The following KCNAB1 variants were observed in gnomAD, a reference collection of about 807,000 sequenced individuals.
The protein encoded by KCNAB1 is potassium voltage-gated channel subfamily A regulatory beta subunit 1, also known as voltage-gated potassium channel subunit beta-1.
In KCNAB1, 35 loss-of-function variants were observed where a neutral mutation model predicts 64.6. The ratio of observed to expected loss-of-function variants is 0.54; its 90% CI spans 0.41 to 0.72. The LOEUF (loss-of-function observed/expected upper bound fraction) is 0.72, where lower values mean the gene tolerates loss of function less well. Among genes scored for constraint, KCNAB1 ranks in the 30% least tolerant of loss-of-function variants. The pLI is 0.00. For synonymous variants in KCNAB1, 177 were observed against 183.8 expected (o/e 0.96, Z 0.30); for missense variants, 401 against 512.9 (o/e 0.78, Z 2.11).
At chr3:156,421,263 T>C (rs879595357) in intron 1 of KCNAB1, among the ~76,000 whole-genome samples, 12 of 152,254 alleles carry the variant, frequency 7.9e-5, no homozygotes, top group Admixed American at 5.2e-4. Context: ...AAATAATGAA[T>C]GAATGGTTGG....
At chr3:156,456,789 C>G (rs1051330202) in intron 3 of KCNAB1, 1 of 152,492 alleles carries the variant, frequency 6.6e-6, no homozygotes, top group Non-Finnish European at 1.5e-5. Context: ...TATAGCTATT[C>G]TGTACTCTTC....
At chr3:156,492,375 G>A (rs956536165) in intron 8 of KCNAB1, among the ~76,000 whole-genome samples, 2 of 152,128 alleles carry the variant, frequency 1.3e-5, no homozygotes, top group African/African-American at 2.4e-5. Context: ...TAAGACACAA[G>A]TGATGTTATA....
intron 1 of KCNAB1, among the ~76,000 whole-genome samples, chr3:156,195,011 C>T (rs1362905624): frequency 6.6e-6 from 1 of 152,102 alleles, no homozygotes; most frequent in Non-Finnish European, 1.5e-5. Flanking sequence ...GTTTAACTCC[C>T]ACTTGTGAGC....
chr3:156,385,307 A>T (rs1295462666), intron 1 of KCNAB1, among the ~76,000 whole-genome samples: 1 of 151,932 alleles, frequency 6.6e-6, no homozygotes, highest in Non-Finnish European at 1.5e-5. Context: ...CATGGCCCCC[A>T]CTCCTTGTTT....
In KCNAB1 at chr3:156,272,318, G is replaced by A. The variant is rs139477360; in HGVS notation, c.276-149298G>A. 3.7e-3 allele frequency among the ~76,000 whole-genome samples: 562 copies of A among 152,336 alleles called. 1 individual carries two copies. Among genetic ancestry groups the A allele is most frequent in the African/African-American group, 0.013 (532 of 41,574 alleles). ...GGTGGCAAGTTCCCCTGGGCCCCAG[G>A]TGGGTCCAGAGATACTGTCTAGGAG... On this transcript the variant is annotated intron_variant, in intron 1 of 13. Coordinates refer to ENST00000490337, the MANE Select transcript of KCNAB1 (RefSeq NM_172160.3).
intron 1 of KCNAB1, among the ~76,000 whole-genome samples, chr3:156,337,447 C>T (rs148231373): frequency 1.3e-5 from 2 of 152,260 alleles, no homozygotes; most frequent in East Asian, 3.9e-4. Context: ...TCTCATCCTT[C>T]CCTTTTCATT....
rs144726534 is a variant in KCNAB1 at position 156,149,424 on chromosome 3, C to T, written c.275+28538C>T. On this transcript the variant is annotated intron_variant, in intron 1 of 13. Transcript: ENST00000490337. ...GGGAAGGAAAACTAGAGAGAAACCTCACTTAGCTACCAGCTTTTCTCAGAG... is the reference window on the plus strand; with the variant it reads ...GGGAAGGAAAACTAGAGAGAAACCTTACTTAGCTACCAGCTTTTCTCAGAG... 8.8e-3 allele frequency among the ~76,000 whole-genome samples: 1,332 copies of T among 152,228 alleles called. 12 individuals are homozygous for T. Among genetic ancestry groups the T allele is most frequent in the Non-Finnish European group, 0.014 (962 of 68,018 alleles).
rs144747665 is a variant in KCNAB1, at chr3:156,375,565, G to A, written c.276-46051G>A. On this transcript the variant is annotated intron_variant, in intron 1 of 13. Transcript: ENST00000490337. ...AAAAATGAATTATAAAATGGTGTTTGGTCTCAGAGGCAAAAGAAAATAATT... is the reference window on the plus strand; with the variant it reads ...AAAAATGAATTATAAAATGGTGTTTAGTCTCAGAGGCAAAAGAAAATAATT... 7.4e-5 allele frequency among the ~76,000 whole-genome samples: 10 copies of A among 135,254 alleles called. 3 individuals are homozygous for A. Among genetic ancestry groups the A allele is most frequent in the Admixed American group, 2.1e-4 (3 of 14,402 alleles). 88.7% of individuals were successfully genotyped at this position (135,254 alleles called of 152,430 possible).
intron 8 of KCNAB1, among the ~76,000 whole-genome samples, chr3:156,513,389 A>G (rs1717349849): frequency 6.6e-6 from 1 of 152,228 alleles, no homozygotes; most frequent in South Asian, 2.1e-4. Context: ...ACTTTGAGAC[A>G]AGGATTTGGT....
At chr3:156,261,861 C>A (rs1718450765) in intron 1 of KCNAB1, among the ~76,000 whole-genome samples, 1 of 151,914 alleles carries the variant, frequency 6.6e-6, no homozygotes, top group Non-Finnish European at 1.5e-5. Flanking sequence ...TATGCCAGTT[C>A]AGGAATATGA....
At chr3:156,242,645 T>C (rs941225847) in intron 1 of KCNAB1, among the ~76,000 whole-genome samples, 6 of 152,158 alleles carry the variant, frequency 3.9e-5, no homozygotes, top group African/African-American at 1.4e-4. Flanking sequence ...CTTTTGGTTT[T>C]CTGAATGTTT....
intron 1 of KCNAB1, among the ~76,000 whole-genome samples, chr3:156,372,450 A>C (rs946873381): frequency 3.3e-5 from 5 of 152,254 alleles, no homozygotes; most frequent in South Asian, 4.1e-4. Context: ...TTGTTAAGAC[A>C]GATTGCTGGG....
At chr3:156,254,208 T>C (rs1031372752) in intron 1 of KCNAB1, among the ~76,000 whole-genome samples, 1 of 152,226 alleles carries the variant, frequency 6.6e-6, no homozygotes, top group African/African-American at 2.4e-5. Context: ...ATGTAGTTTA[T>C]GTGAATAATT....
chr3:156,329,230 A>T (rs1053413391), intron 1 of KCNAB1, among the ~76,000 whole-genome samples: 1 of 152,128 alleles, frequency 6.6e-6, no homozygotes, highest in Admixed American at 6.6e-5. Context: ...TTGAGATCAG[A>T]CAGAATTTGT....
intron 2 of KCNAB1, among the ~76,000 whole-genome samples, chr3:156,449,851 C>T (rs1711861538): frequency 6.6e-6 from 1 of 151,994 alleles, no homozygotes; most frequent in Non-Finnish European, 1.5e-5. Flanking sequence ...GTGACTGTAC[C>T]TATAGAAAAA....
At chr3:156,202,778 T>C (rs1001709655) in intron 1 of KCNAB1, among the ~76,000 whole-genome samples, 14 of 151,804 alleles carry the variant, frequency 9.2e-5, no homozygotes, top group African/African-American at 3.1e-4. Context: ...TGGAAATCAA[T>C]GTTGAATTCT....
chr3:156,246,648 A>C (rs1249086838), intron 1 of KCNAB1, among the ~76,000 whole-genome samples: 1 of 151,976 alleles, frequency 6.6e-6, no homozygotes, highest in African/African-American at 2.4e-5. Flanking sequence ...AAAAAAAAAA[A>C]AACCCAACAT....
chr3:156,139,433 C>G (rs1024854473), intron 1 of KCNAB1, among the ~76,000 whole-genome samples: 9 of 152,180 alleles, frequency 5.9e-5, no homozygotes, highest in African/African-American at 2.2e-4. Flanking sequence ...CCTCCGCTGG[C>G]ACCACTGCCT....
intron 1 of KCNAB1, among the ~76,000 whole-genome samples, chr3:156,352,847 T>C (rs1020037974): frequency 2.0e-5 from 3 of 152,254 alleles, no homozygotes; most frequent in Admixed American, 2.0e-4. Flanking sequence ...CCCTGTTTCC[T>C]GGCAGACCTC....
Sources: allele counts gnomAD v4.1 joint callset (sites outside exome capture counted in the v4.1 genomes callset), GRCh38; gene constraint gnomAD v4.1.1; transcripts MANE v1.5; gene names NCBI Gene and HGNC (gene_info 2026-07-23, HGNC 2026-07-21).